BMPR2: variants seen among roughly 807,000 people sequenced by gnomAD.
BMPR2 encodes bone morphogenetic protein receptor type 2, also known as bone morphogenetic protein receptor type-2.
BMPR2 carries 29 observed loss-of-function variants against 100.8 expected under a neutral mutation model. That is an observed-to-expected ratio of 0.29 (90% CI 0.21 to 0.39). The LOEUF is 0.39. Among genes scored for constraint, BMPR2 ranks in the 10% least tolerant of loss-of-function variants. BMPR2 has a pLI of 1.00. For missense variants in BMPR2, 1,011 were observed against 1,274.5 expected (o/e 0.79, Z 3.15); for synonymous variants, 382 against 442.3 (o/e 0.86, Z 1.71).
At position 202,495,329 on chromosome 2, in the gene BMPR2, C is replaced by CT. The variant is rs1037202246; in HGVS notation, c.419-18388dup. 7.2e-5 allele frequency among the ~76,000 whole-genome samples: 11 copies of CT among 152,202 alleles called. No individual in the cohort carries two copies. The highest frequency in any genetic ancestry group is 2.4e-4 in the African/African-American group (10 of 41,454). On this transcript the variant is annotated intron_variant, in intron 3 of 12. Transcript: ENST00000374580. This position sits in a 1 kb window ranked among gnomAD's most constrained non-coding sequence, Gnocchi z 4.5. The stretch of plus-strand genomic sequence containing the variant: ...ATGGTTTTCTCCTGGAGTTGGGCCG[C>CT]TTGGTGGCCAGGGCTCTCCTCCGTC...
chr2:202,452,509 C>G (rs1033747968), intron 1 of BMPR2, among the ~76,000 whole-genome samples: 5 of 152,144 alleles, frequency 3.3e-5, no homozygotes, highest in Non-Finnish European at 5.9e-5. Context: ...AGTAGTCAGG[C>G]ATTGTGGCTT....
chr2:202,486,386 T>C (rs762085001), intron 3 of BMPR2, among the ~76,000 whole-genome samples: 2 of 152,146 alleles, frequency 1.3e-5, no homozygotes, highest in Non-Finnish European at 2.9e-5. Flanking sequence ...CCCAGCACTT[T>C]GGTGGGGCAA....
intron 1 of BMPR2, among the ~76,000 whole-genome samples, chr2:202,387,815 A>T (rs1480280524): frequency 6.6e-6 from 1 of 152,208 alleles, no homozygotes; most frequent in African/African-American, 2.4e-5. Context: ...CCATGGGGCC[A>T]GTCTAGTGTG....
At chr2:202,409,347 A>C (rs1277880472) in intron 1 of BMPR2, among the ~76,000 whole-genome samples, 3 of 152,126 alleles carry the variant, frequency 2.0e-5, no homozygotes, top group Non-Finnish European at 4.4e-5. Context: ...CTCTGTCTCA[A>C]AATATATATA....
At chr2:202,422,211 A>C (rs980966766) in intron 1 of BMPR2, among the ~76,000 whole-genome samples, 14 of 151,996 alleles carry the variant, frequency 9.2e-5, no homozygotes, top group Non-Finnish European at 1.8e-4. Flanking sequence ...CCGGCCGTTA[A>C]AGCTTGCTTT....
intron 1 of BMPR2, among the ~76,000 whole-genome samples, chr2:202,422,408 A>G (rs62194087): frequency 6.6e-6 from 1 of 150,480 alleles, no homozygotes; most frequent in Non-Finnish European, 1.5e-5. Context: ...CCGGGTTCCC[A>G]CCATTCTCCT....
Position 202,532,724 on chromosome 2 carries a change from T to A in BMPR2, c.1268T>A (p.Leu423His). The change falls in exon 9 of 13, where the codon CTC (leucine) becomes CAC (histidine). Residue 423 changes from leucine (L) to histidine (H), a missense_variant. Transcript: ENST00000374580. This position sits in a 1 kb window ranked among gnomAD's most constrained non-coding sequence, Gnocchi z 4.1. Reference sequence around the variant, plus strand: ...GAGATATTTATGAGATGTACAGACCTCTTCCCAGGTAAAAACTACTGTCAA... The same window carrying A: ...GAGATATTTATGAGATGTACAGACCACTTCCCAGGTAAAAACTACTGTCAA... The part of the protein sequence containing the change: ...YWEIFMRCTD[L>H]FPGESVPEYQ... 6.2e-7 allele frequency: 1 copy of A among 1,612,550 alleles called. No individual in the cohort carries two copies. Among genetic ancestry groups the A allele is most frequent in the Non-Finnish European group, 8.5e-7 (1 of 1,179,878 alleles).
intron 3 of BMPR2, among the ~76,000 whole-genome samples, chr2:202,498,612 C>G (rs554500525): frequency 6.6e-6 from 1 of 152,120 alleles, no homozygotes; most frequent in African/African-American, 2.4e-5. Flanking sequence ...ACCAAAACCA[C>G]GGGCGGTTTT....
At position 202,467,901 on chromosome 2, in the gene BMPR2, A is replaced by C. The variant is rs71425943; in HGVS notation, c.418+212A>C. Among the ~76,000 whole-genome samples, 18,056 of 152,076 alleles carry C rather than the reference A, an allele frequency of 0.12. 1,192 individuals are homozygous for C. Among genetic ancestry groups the C allele is most frequent in the Admixed American group, 0.14 (2,061 of 15,224 alleles). On this transcript the variant is annotated intron_variant, in intron 3 of 12. Transcript: ENST00000374580. ...CCGTCTCTGCCAAAAGTAAAAAATT[A>C]GCCGGGCGTAGTGGTAGGCGCCTGT...
In BMPR2 at chr2:202,562,427, G is replaced by A. The variant is rs559589719; in HGVS notation, c.*2481G>A. 3.9e-5 allele frequency: 6 copies of A among 152,688 alleles called. No homozygotes were observed. Among genetic ancestry groups the A allele is most frequent in the African/African-American group, 1.4e-4 (6 of 41,568 alleles). The allele number at this position is 152,688 out of a possible 1,614,324, so 9.5% of individuals were successfully genotyped here. On this transcript the variant is annotated 3_prime_UTR_variant, in exon 13 of 13. Coordinates refer to ENST00000374580, the MANE Select transcript of BMPR2 (RefSeq NM_001204.7). Reference sequence around the variant, plus strand: ...GTAAACTCCTGAAAAAGTAGGAAAGGTGGAAAGTATATATCATTTTTATAA... The same window carrying A: ...GTAAACTCCTGAAAAAGTAGGAAAGATGGAAAGTATATATCATTTTTATAA...
intron 1 of BMPR2, among the ~76,000 whole-genome samples, chr2:202,418,782 A>G (rs1691193935): frequency 6.6e-6 from 1 of 152,210 alleles, no homozygotes; most frequent in Non-Finnish European, 1.5e-5. Context: ...CACAGAGAAT[A>G]GATTGTAAAT....
intron 1 of BMPR2, among the ~76,000 whole-genome samples, chr2:202,410,049 G>T (rs536653756): frequency 4.0e-4 from 61 of 151,448 alleles, no homozygotes; most frequent in African/African-American, 1.4e-3. Context: ...CAGTGGCACG[G>T]TCTTGGCTTA....
intron 1 of BMPR2, among the ~76,000 whole-genome samples, chr2:202,393,601 A>T (rs1690595163): frequency 6.6e-6 from 1 of 152,144 alleles, no homozygotes; most frequent in Non-Finnish European, 1.5e-5. Flanking sequence ...CAGTCTAGAC[A>T]GTAGTTTTAA....
intron 1 of BMPR2, among the ~76,000 whole-genome samples, chr2:202,378,239 A>C (rs777198908): frequency 9.9e-4 from 151 of 152,338 alleles, no homozygotes; most frequent in South Asian, 1.5e-3. Flanking sequence ...TTGACATTTC[A>C]CTAAAGTCTA....
At chr2:202,416,963 A>G (rs1460698912) in intron 1 of BMPR2, among the ~76,000 whole-genome samples, 2 of 149,590 alleles carry the variant, frequency 1.3e-5, no homozygotes, top group East Asian at 4.0e-4. Flanking sequence ...CAGCCTCCCG[A>G]GTAGTTGGGA....
intron 9 of BMPR2, among the ~76,000 whole-genome samples, chr2:202,537,532 A>G (rs1688184101): frequency 1.3e-5 from 2 of 152,220 alleles, no homozygotes; most frequent in East Asian, 3.8e-4. Context: ...ATGGAGAGTT[A>G]CTGTTTAATG....
intron 1 of BMPR2, among the ~76,000 whole-genome samples, chr2:202,449,067 C>CA (rs1691919863): frequency 6.6e-6 from 1 of 151,658 alleles, no homozygotes; most frequent in Admixed American, 6.6e-5. Context: ...CCTGTAATCC[C>CA]AGCACTTTGG....
chr2:202,430,261 A>G (rs1470893858), intron 1 of BMPR2, among the ~76,000 whole-genome samples: 1 of 152,198 alleles, frequency 6.6e-6, no homozygotes, highest in Non-Finnish European at 1.5e-5. Context: ...GGGCTTCATT[A>G]TATGAATTTT....
chr2:202,459,156 AT>A (rs1266492483), intron 1 of BMPR2, among the ~76,000 whole-genome samples: 1 of 152,086 alleles, frequency 6.6e-6, no homozygotes, highest in Non-Finnish European at 1.5e-5. Context: ...GTCAGCTACC[AT>A]TTGGCAGCTC....
Sources: allele counts gnomAD v4.1 joint callset (sites outside exome capture counted in the v4.1 genomes callset), GRCh38; gene constraint gnomAD v4.1.1; non-coding constraint Gnocchi (gnomAD v3.1); transcripts MANE v1.5; gene names NCBI Gene and HGNC (gene_info 2026-07-23, HGNC 2026-07-21).